TMEM232: variants seen among roughly 807,000 people sequenced by gnomAD.
The protein encoded by TMEM232 is transmembrane protein 232.
A neutral mutation model predicts 78.8 loss-of-function variants in TMEM232; 80 were observed. The observed-to-expected ratio is 1.01, with a 90% CI of 0.85 to 1.22. TMEM232 has a LOEUF of 1.22. Among genes scored for constraint, TMEM232 ranks in the 50% most tolerant of loss-of-function variants. TMEM232 has a pLI of 0.00. For missense variants in TMEM232, 881 were observed against 742.2 expected (o/e 1.19, Z -2.17); for synonymous variants, 297 against 254.3 (o/e 1.17, Z -1.60).
chr5:110,539,959 G>C (rs974320985), intron 11 of TMEM232, among the ~76,000 whole-genome samples: 1 of 152,142 alleles, frequency 6.6e-6, no homozygotes, highest in South Asian at 2.1e-4. Context: ...GAATAGCCAG[G>C]TTTTGCAGAA....
chr5:110,490,185 GAAAGAAAA>G (rs1764924350), intron 12 of TMEM232, among the ~76,000 whole-genome samples: 1 of 132,030 alleles, frequency 7.6e-6, no homozygotes, highest in South Asian at 2.3e-4. Flanking sequence ...AAGAAAGAAA[GAAAGAAAA>G]AGTTAATTGT....
At chr5:110,672,853 A>T (rs1791539297) in intron 1 of TMEM232, among the ~76,000 whole-genome samples, 2 of 152,094 alleles carry the variant, frequency 1.3e-5, no homozygotes, top group Admixed American at 6.6e-5. Context: ...TTATTATTGC[A>T]TGTACAATAA....
At chr5:110,682,778 A>T (rs1281427993) in intron 1 of TMEM232, among the ~76,000 whole-genome samples, 1 of 152,096 alleles carries the variant, frequency 6.6e-6, no homozygotes, top group African/African-American at 2.4e-5. Flanking sequence ...ATCCACTATG[A>T]GCTTTTCAGT....
chr5:110,594,410 A>T (rs1779901390), intron 10 of TMEM232, among the ~76,000 whole-genome samples: 1 of 152,040 alleles, frequency 6.6e-6, no homozygotes, highest in South Asian at 2.1e-4. Context: ...TAGCTGCAGG[A>T]GTTTTTTTTC....
rs1029800553 is a variant in TMEM232, at chr5:110,495,947, TAAAAC to T, written c.1703+32636_1703+32640del. 2.6e-5 allele frequency among the ~76,000 whole-genome samples: 4 copies of T among 151,798 alleles called. No individual in the cohort carries two copies. The East Asian group carries it at 7.7e-4, about 29-fold the overall frequency. On this transcript the variant is annotated intron_variant, in intron 12 of 13. Transcript: ENST00000455884. ...ACCATTCATACTGACAAAGAAATAA[TAAAAC>T]AAAATAAGCATTTCATGCACAGAGG...
chr5:110,490,166 A>AAAGAAAGG (rs1491141292), intron 12 of TMEM232, among the ~76,000 whole-genome samples: 2 of 143,412 alleles, frequency 1.4e-5, no homozygotes, highest in African/African-American at 5.9e-5. Context: ...AGAAAGAAAG[A>AAAGAAAGG]AAGAAAGAAA....
At chr5:110,696,036 T>C (rs894119163) in intron 1 of TMEM232, among the ~76,000 whole-genome samples, 5 of 152,168 alleles carry the variant, frequency 3.3e-5, no homozygotes, top group Non-Finnish European at 2.9e-5. Context: ...CTGATGAACA[T>C]TGATGCAAAA....
chr5:110,529,119 G>C lies in TMEM232; in HGVS notation c.1456-284C>G, dbSNP rs115159035. Among the ~76,000 whole-genome samples, 1,019 of 152,144 alleles carry C rather than the reference G, an allele frequency of 6.7e-3. 11 individuals carry two copies. The highest frequency in any genetic ancestry group is 0.023 in the African/African-American group (960 of 41,498). On this transcript the variant is annotated intron_variant, in intron 11 of 13. Transcript: ENST00000455884. ...TAAATTTGATATACGTGCCGTGTAAGAATTTCATAAGCATTCTGAAATTTT... is the reference window on the plus strand; with the variant it reads ...TAAATTTGATATACGTGCCGTGTAACAATTTCATAAGCATTCTGAAATTTT...
At chr5:110,527,581 G>A (rs73783606) in intron 12 of TMEM232, among the ~76,000 whole-genome samples, 6,145 of 151,876 alleles carry the variant, frequency 0.04, 199 homozygotes, top group African/African-American at 0.086. Context: ...CTTACATTAG[G>A]TTGTAAAAAG....
At chr5:110,679,905 T>A (rs1792503813) in intron 1 of TMEM232, among the ~76,000 whole-genome samples, 1 of 152,202 alleles carries the variant, frequency 6.6e-6, no homozygotes, top group African/African-American at 2.4e-5. Context: ...GGTAATTATC[T>A]TTCATTTTAA....
At chr5:110,639,794 G>A (rs1786409740) in intron 4 of TMEM232, among the ~76,000 whole-genome samples, 1 of 152,180 alleles carries the variant, frequency 6.6e-6, no homozygotes, top group Admixed American at 6.5e-5. Context: ...GTCTCACAAG[G>A]AGCACCGCAG....
intron 11 of TMEM232, among the ~76,000 whole-genome samples, chr5:110,542,916 A>G (rs771342309): frequency 6.6e-6 from 1 of 152,188 alleles, no homozygotes; most frequent in Non-Finnish European, 1.5e-5. Context: ...GTGTACACCA[A>G]GTAACCCATG....
At chr5:110,410,505 C>T (rs1394240098) in intron 2 of TMEM232, among the ~76,000 whole-genome samples, 2 of 152,080 alleles carry the variant, frequency 1.3e-5, no homozygotes, top group Non-Finnish European at 2.9e-5. Flanking sequence ...ATATTTTTTC[C>T]TAAGCCACAC....
intron 3 of TMEM232, among the ~76,000 whole-genome samples, chr5:110,396,492 T>A (rs1330149798): frequency 6.6e-6 from 1 of 152,244 alleles, no homozygotes; most frequent in African/African-American, 2.4e-5. Flanking sequence ...TATACAGTGA[T>A]GAAGACATGG....
chr5:110,587,673 A>G (rs995956441), intron 10 of TMEM232, among the ~76,000 whole-genome samples: 151 of 84,586 alleles, frequency 1.8e-3, no homozygotes, highest in African/African-American at 7.7e-3. Context: ...GTATATATAT[A>G]TATATATATA....
intron 11 of TMEM232, among the ~76,000 whole-genome samples, chr5:110,536,949 G>A (rs1772437326): frequency 6.6e-6 from 1 of 152,128 alleles, no homozygotes; most frequent in South Asian, 2.1e-4. Flanking sequence ...AGTGGTGGAG[G>A]GAACCATTCC....
intron 2 of TMEM232, among the ~76,000 whole-genome samples, chr5:110,732,708 G>T (rs1393579064): frequency 6.6e-6 from 1 of 152,142 alleles, no homozygotes; most frequent in African/African-American, 2.4e-5. Context: ...GTTGAGATTT[G>T]GGTGGGGACA....
intron 11 of TMEM232, among the ~76,000 whole-genome samples, chr5:110,529,233 A>T (rs1771064279): frequency 6.6e-6 from 1 of 152,052 alleles, no homozygotes. Flanking sequence ...ACTGTTCTTG[A>T]TATCAACAGA....
intron 12 of TMEM232, among the ~76,000 whole-genome samples, chr5:110,462,636 G>T (rs1761656868): frequency 6.6e-6 from 1 of 152,154 alleles, no homozygotes; most frequent in Non-Finnish European, 1.5e-5. Flanking sequence ...TTTGAGGTTT[G>T]GGGACTTTGA....
Sources: gnomAD v4.1 joint callset for allele counts (sites outside exome capture counted in the v4.1 genomes callset) on GRCh38, gnomAD v4.1.1 for gene constraint, MANE v1.5 for transcripts, NCBI Gene and HGNC (gene_info 2026-07-23, HGNC 2026-07-21) for gene names.